The following ZCCHC14 variants were observed in gnomAD, a reference collection of about 807,000 sequenced individuals.
ZCCHC14 encodes zinc finger CCHC domain-containing protein 14.
Under a neutral mutation model 85.0 loss-of-function variants are expected in ZCCHC14, and 16 were observed. That is an observed-to-expected ratio of 0.19 (90% CI 0.13 to 0.29). The LOEUF (loss-of-function observed/expected upper bound fraction) is 0.29, where lower values mean the gene tolerates loss of function less well. Ranked by LOEUF, ZCCHC14 falls within the 10% of genes least tolerant of loss-of-function variation. ZCCHC14 has a pLI of 1.00. For synonymous variants in ZCCHC14, 775 were observed against 630.7 expected (o/e 1.23, Z -3.43); for missense variants, 1,303 against 1,443.5 (o/e 0.90, Z 1.58).
chr16:87,453,354 G>C (rs1312069270), intron 2 of ZCCHC14, among the ~76,000 whole-genome samples: 1 of 152,262 alleles, frequency 6.6e-6, no homozygotes, highest in Non-Finnish European at 1.5e-5. Flanking sequence ...AGTCACTGGA[G>C]AGTAGTGGGA....
In ZCCHC14 at chr16:87,420,601, C is replaced by A; in HGVS notation, c.950+6G>T. 1.9e-6 allele frequency: 3 copies of A among 1,609,956 alleles called. No homozygotes were observed. Among genetic ancestry groups the A allele is most frequent in the Non-Finnish European group, 1.7e-6 (2 of 1,177,854 alleles). On this transcript the variant is annotated splice_donor_region_variant and intron_variant, in intron 5 of 12. Transcript: ENST00000671377. The surrounding 1 kb of genome is among the most constrained non-coding windows in gnomAD (Gnocchi z 5.0). ...GGACGCGCCGGGTGCCTGGTAAGGG[C>A]CTCACCTCAGGCCTGAGTCCAGATC...
At chr16:87,473,713 T>A (rs1453951141) in intron 1 of ZCCHC14, 1 of 152,072 alleles carries the variant, frequency 6.6e-6, no homozygotes, top group Non-Finnish European at 1.5e-5. Flanking sequence ...GTGAGCACGT[T>A]CAAGTGGCTG....
At chr16:87,434,990 CAAAAAAAAAAAAAAA>C (rs35789742) in intron 2 of ZCCHC14, among the ~76,000 whole-genome samples, 4 of 74,388 alleles carry the variant, frequency 5.4e-5, no homozygotes, top group Non-Finnish European at 9.9e-5. Flanking sequence ...GACTTCGCCT[CAAAAAAAAAAAAAAA>C]AAAAAAAAAA....
intron 1 of ZCCHC14, among the ~76,000 whole-genome samples, chr16:87,490,795 G>A (rs1912719995): frequency 6.6e-6 from 1 of 152,140 alleles, no homozygotes; most frequent in African/African-American, 2.4e-5. Flanking sequence ...ACAAGCATGT[G>A]CACATTCATA....
intron 12 of ZCCHC14, 126 bp downstream of exon 12, chr16:87,411,390 C>T (rs946357767): frequency 1.3e-6 from 2 of 1,517,330 alleles, no homozygotes; most frequent in African/African-American, 2.8e-5. Flanking sequence ...TTTCCACGCG[C>T]TTTCAAAGAG....
At position 87,415,343 on chromosome 16, in the gene ZCCHC14, G is replaced by C; in HGVS notation, c.1408C>G (p.Leu470Val). The C allele has an allele frequency of 6.2e-7, 1 of 1,613,750 alleles. No individual in the cohort carries two copies. Among genetic ancestry groups the C allele is most frequent in the Non-Finnish European group, 8.5e-7 (1 of 1,179,918 alleles). ...ATGGTAAGAGACTCAAATTTATTCAGATCTTCTTCAGTAAGGCTCAAAAAC... is the reference window on the plus strand; with the variant it reads ...ATGGTAAGAGACTCAAATTTATTCACATCTTCTTCAGTAAGGCTCAAAAAC... ...EKFLSLTEED[L>V]NKFESLTMGA... The change falls in exon 9 of 13, where the codon CTG (leucine) becomes GTG (valine). Residue 470 changes from leucine (L) to valine (V), a missense_variant. By Grantham distance (32) the Leu-to-Val change is conservative. Transcript: ENST00000671377.
At chr16:87,436,974 C>T (rs1317047244) in intron 2 of ZCCHC14, among the ~76,000 whole-genome samples, 1 of 152,092 alleles carries the variant, frequency 6.6e-6, no homozygotes, top group African/African-American at 2.4e-5. Flanking sequence ...CCAGTCTGCC[C>T]CCAGTGTGGC....
Position 87,492,277 on chromosome 16 carries a change from C to A in ZCCHC14, c.-39G>T. 3 of 977,934 alleles carry A rather than the reference C, an allele frequency of 3.1e-6. No homozygotes were observed. Among genetic ancestry groups the A allele is most frequent in the South Asian group, 4.7e-5 (1 of 21,184 alleles). The allele number at this position is 977,934 out of a possible 1,614,324, so 60.6% of individuals were successfully genotyped here. On this transcript the variant is annotated 5_prime_UTR_variant, in exon 1 of 13. Transcript: ENST00000671377. This position sits in a 1 kb window ranked among gnomAD's most constrained non-coding sequence, Gnocchi z 6.7. Reference sequence around the variant, plus strand: ...CCGCGCCGCGACCCGGGGCCGGGGACCGCGCGGGGGCGGCCGGGGGGCGCC... The same window carrying A: ...CCGCGCCGCGACCCGGGGCCGGGGAACGCGCGGGGGCGGCCGGGGGGCGCC...
intron 2 of ZCCHC14, among the ~76,000 whole-genome samples, chr16:87,442,180 C>G (rs1322589346): frequency 6.6e-6 from 1 of 152,212 alleles, no homozygotes; most frequent in African/African-American, 2.4e-5. Flanking sequence ...GAACACACCT[C>G]CAGCAGAGTC....
intron 2 of ZCCHC14, among the ~76,000 whole-genome samples, chr16:87,451,619 A>G (rs1294825892): frequency 6.6e-6 from 1 of 152,252 alleles, no homozygotes; most frequent in East Asian, 1.9e-4. Flanking sequence ...GCGCAGCGCC[A>G]GCCATAAGTG....
chr16:87,480,779 G>A (rs541764396), intron 1 of ZCCHC14, among the ~76,000 whole-genome samples: 23 of 152,308 alleles, frequency 1.5e-4, no homozygotes, highest in African/African-American at 5.3e-4. Context: ...ATAAGGTCTA[G>A]GATAAGGATG....
intron 1 of ZCCHC14, among the ~76,000 whole-genome samples, chr16:87,479,137 C>T (rs1054514486): frequency 2.0e-5 from 3 of 152,024 alleles, no homozygotes; most frequent in Admixed American, 2.0e-4. Context: ...TAAGGATAGG[C>T]TGGGCGTGGT....
chr16:87,457,940 G>C (rs548642673), intron 2 of ZCCHC14, among the ~76,000 whole-genome samples: 2 of 152,128 alleles, frequency 1.3e-5, no homozygotes, highest in South Asian at 4.1e-4. Context: ...TTTAAGCACT[G>C]TGGGGTTTGA....
At chr16:87,453,647 A>G (rs1199087180) in intron 2 of ZCCHC14, among the ~76,000 whole-genome samples, 3 of 152,236 alleles carry the variant, frequency 2.0e-5, no homozygotes, top group East Asian at 3.8e-4. Flanking sequence ...GCCTGCCCCC[A>G]CCAGCAGAAG....
At chr16:87,456,646 T>C (rs1910984759) in intron 2 of ZCCHC14, among the ~76,000 whole-genome samples, 1 of 151,938 alleles carries the variant, frequency 6.6e-6, no homozygotes, top group Non-Finnish European at 1.5e-5. Flanking sequence ...GTTTGGTCTT[T>C]AGCTCTCTTC....
intron 2 of ZCCHC14, among the ~76,000 whole-genome samples, chr16:87,455,299 C>T (rs932662331): frequency 1.3e-5 from 2 of 151,350 alleles, no homozygotes; most frequent in African/African-American, 2.4e-5. Flanking sequence ...CCCCCGCCCC[C>T]GCAAAAAAAA....
In ZCCHC14 at chr16:87,492,450, G is replaced by A. The variant is rs1188295568; in HGVS notation, c.-212C>T. The A allele has an allele frequency of 6.9e-6, 1 of 144,902 alleles. No individual in the cohort carries two copies. Among genetic ancestry groups the A allele is most frequent in the Non-Finnish European group, 1.5e-5 (1 of 65,398 alleles). 9.0% of individuals were successfully genotyped at this position (144,902 alleles called of 1,614,324 possible). On this transcript the variant is annotated 5_prime_UTR_variant, in exon 1 of 13. Transcript: ENST00000671377. This position sits in a 1 kb window ranked among gnomAD's most constrained non-coding sequence, Gnocchi z 6.7. ...CAAGGCTCCCGTCAGGGGCCGGCGG[G>A]CGGGCGCGCGCGGGGCGCCGGGGGG...
chr16:87,409,415 G>T lies in ZCCHC14; in HGVS notation c.*865C>A, dbSNP rs1166197994. ...CGCTGTCGCCGTCCCCCCTCGAGAG[G>T]TCATTTGTAGTGGAAGATAGGGCTC... On this transcript the variant is annotated 3_prime_UTR_variant, in exon 13 of 13. Coordinates refer to ENST00000671377, the MANE Select transcript of ZCCHC14 (RefSeq NM_015144.3). The T allele has an allele frequency of 1.3e-5, 2 of 152,212 alleles. No individual in the cohort carries two copies. The highest frequency in any genetic ancestry group is 4.8e-5 in the African/African-American group (2 of 41,436). 9.4% of individuals were successfully genotyped at this position (152,212 alleles called of 1,614,324 possible). A position where few individuals can be genotyped will look rare whatever the true frequency, so the allele number is the denominator to read the frequency against.
chr16:87,435,004 A>C (rs1336215958), intron 2 of ZCCHC14, among the ~76,000 whole-genome samples: 2 of 151,686 alleles, frequency 1.3e-5, no homozygotes, highest in African/African-American at 4.8e-5. Context: ...AAAAAAAAAA[A>C]AAAAAAAAAA....
Sources: gnomAD v4.1 joint callset for allele counts (sites outside exome capture counted in the v4.1 genomes callset) on GRCh38, gnomAD v4.1.1 for gene constraint, Gnocchi (gnomAD v3.1) non-coding constraint, MANE v1.5 for transcripts, NCBI Gene and HGNC (gene_info 2026-07-23, HGNC 2026-07-21) for gene names.